PDE4B: variants seen among roughly 807,000 people sequenced by gnomAD.
PDE4B encodes the protein 3',5'-cyclic-AMP phosphodiesterase 4B.
A neutral mutation model predicts 82.2 loss-of-function variants in PDE4B; 20 were observed. The observed-to-expected ratio is 0.24, with a 90% confidence interval of 0.17 to 0.35. The LOEUF (loss-of-function observed/expected upper bound fraction) is 0.35. Ranked by LOEUF, PDE4B falls within the 10% of genes least tolerant of loss-of-function variation. The pLI, the probability that PDE4B is intolerant of heterozygous loss-of-function variation, is 1.00. For synonymous variants in PDE4B, 320 were observed against 318.9 expected, an observed-to-expected ratio of 1.00 and a Z score of -0.04; for missense variants, 655 against 907.2, an observed-to-expected ratio of 0.72 and a Z score of 3.57.
chr1:66,363,227 C>T lies in PDE4B; in HGVS notation c.1080C>T (p.His360=). ...TCTTTAATGTGGCTGGATATTCTCA[C>T]AATAGACCCCTAACATGCATCATGT... ...LNIFNVAGYS[H]NRPLTCIMYA... Residue 360 remains histidine, a synonymous_variant, in exon 11 of 17, where the codon CAC becomes CAT. Transcript: ENST00000341517. 1.2e-6 allele frequency: 2 copies of T among 1,612,778 alleles called. No individual in the cohort carries two copies. Among genetic ancestry groups the T allele is most frequent in the Non-Finnish European group, 1.7e-6 (2 of 1,178,896 alleles).
chr1:65,918,841 T>C lies in PDE4B; in HGVS notation c.281+6T>C. On this transcript the variant is annotated splice_donor_region_variant and intron_variant, in intron 3 of 16. Coordinates refer to ENST00000341517, the MANE Select transcript of PDE4B (RefSeq NM_002600.4). Reference sequence around the variant, plus strand: ...ACAACTGTAAGCCAGGAGTGGTGAGTAGCCTCAAAATCAAATGTCAATTCT... The same window carrying C: ...ACAACTGTAAGCCAGGAGTGGTGAGCAGCCTCAAAATCAAATGTCAATTCT... The C allele has an allele frequency of 6.6e-7, 1 of 1,507,996 alleles. No homozygotes were observed. The highest frequency in any genetic ancestry group is 9.2e-7 in the Non-Finnish European group (1 of 1,083,408). The allele number at this position is 1,507,996 out of a possible 1,614,324, so 93.4% of individuals were successfully genotyped here.
At position 66,192,677 on chromosome 1, in the gene PDE4B, G is replaced by A. The variant is rs573446567; in HGVS notation, c.282-54783G>A. On this transcript the variant is annotated intron_variant, in intron 3 of 16. Coordinates refer to ENST00000341517, the MANE Select transcript of PDE4B (RefSeq NM_002600.4). ...ATGGAGACATGGCTTTCATGGTTTC[G>A]GGGAAAACTTTTATTGTCCTAAAAA... Among the ~76,000 whole-genome samples, 11 of 152,156 alleles carry A rather than the reference G, an allele frequency of 7.2e-5. No homozygotes were observed. In the South Asian group the frequency reaches 1.2e-3, roughly 17 times the overall value.
At chr1:66,097,141 A>G (rs947178454) in intron 3 of PDE4B, among the ~76,000 whole-genome samples, 22 of 152,058 alleles carry the variant, frequency 1.4e-4, no homozygotes, top group African/African-American at 5.1e-4. Context: ...TGGATGGCAT[A>G]ATAAGTATAC....
chr1:66,202,207 A>G (rs1649039810), intron 3 of PDE4B, among the ~76,000 whole-genome samples: 1 of 151,974 alleles, frequency 6.6e-6, no homozygotes, highest in African/African-American at 2.4e-5. Flanking sequence ...CTGTGGTCTG[A>G]GAGACAGTTT....
intron 3 of PDE4B, among the ~76,000 whole-genome samples, chr1:66,208,729 A>G (rs890979274): frequency 6.6e-6 from 1 of 152,234 alleles, no homozygotes; most frequent in Non-Finnish European, 1.5e-5. Context: ...GAAAGGTATC[A>G]CAAATAAAAA....
chr1:66,186,315 C>A (rs1204590925), intron 3 of PDE4B, among the ~76,000 whole-genome samples: 2 of 152,062 alleles, frequency 1.3e-5, no homozygotes, highest in African/African-American at 2.4e-5. Flanking sequence ...CTTGGTGATG[C>A]GGGCCCTTTT....
At chr1:65,846,852 G>C (rs1201653248) in intron 1 of PDE4B, among the ~76,000 whole-genome samples, 5 of 152,164 alleles carry the variant, frequency 3.3e-5, no homozygotes, top group Non-Finnish European at 7.3e-5. Context: ...GCTTTTGGCA[G>C]ATAAACTTAA....
chr1:66,357,147 G>A (rs916709950), intron 9 of PDE4B, among the ~76,000 whole-genome samples: 3 of 152,112 alleles, frequency 2.0e-5, no homozygotes, highest in East Asian at 1.9e-4. Flanking sequence ...GTCTTCATAA[G>A]CATTGCATTT....
chr1:66,279,074 G>A (rs751005079), intron 7 of PDE4B, among the ~76,000 whole-genome samples: 1 of 151,992 alleles, frequency 6.6e-6, no homozygotes, highest in African/African-American at 2.4e-5. Flanking sequence ...ACCCCTCTCT[G>A]CATGCTCTTC....
chr1:66,339,465 C>T (rs1480608552), intron 8 of PDE4B, among the ~76,000 whole-genome samples: 1 of 152,070 alleles, frequency 6.6e-6, no homozygotes, highest in Non-Finnish European at 1.5e-5. Context: ...TTAACAGAAC[C>T]ATTTCTTTAC....
At chr1:66,356,804 T>C (rs781315350) in intron 9 of PDE4B, among the ~76,000 whole-genome samples, 34 of 152,226 alleles carry the variant, frequency 2.2e-4, no homozygotes, top group Non-Finnish European at 8.8e-5. Context: ...AGTGCCTTTC[T>C]AACAGTTTCT....
intron 7 of PDE4B, among the ~76,000 whole-genome samples, chr1:66,297,594 C>T (rs1657601150): frequency 6.6e-6 from 1 of 152,094 alleles, no homozygotes; most frequent in South Asian, 2.1e-4. Context: ...ATGCATTTAT[C>T]CAAAAAGTCC....
intron 3 of PDE4B, among the ~76,000 whole-genome samples, chr1:66,148,126 C>T (rs541512516): frequency 6.6e-5 from 10 of 152,096 alleles, no homozygotes; most frequent in African/African-American, 2.2e-4. Flanking sequence ...AAAACTTAGC[C>T]GAGCTTGGTG....
At chr1:65,987,026 G>C (rs548133133) in intron 3 of PDE4B, among the ~76,000 whole-genome samples, 1 of 152,290 alleles carries the variant, frequency 6.6e-6, no homozygotes, top group South Asian at 2.1e-4. Flanking sequence ...AAGAACTAGG[G>C]GGAGAGTTGA....
intron 1 of PDE4B, among the ~76,000 whole-genome samples, chr1:65,879,212 C>G (rs530261680): frequency 6.6e-6 from 1 of 152,196 alleles, no homozygotes; most frequent in African/African-American, 2.4e-5. Flanking sequence ...CCATAAAATA[C>G]AAACCCAAAG....
At chr1:66,150,791 CAT>C (rs1174397492) in intron 3 of PDE4B, among the ~76,000 whole-genome samples, 1 of 152,136 alleles carries the variant, frequency 6.6e-6, no homozygotes, top group Non-Finnish European at 1.5e-5. Flanking sequence ...TTGAAATAAT[CAT>C]GTGGCTTTTA....
intron 3 of PDE4B, among the ~76,000 whole-genome samples, chr1:66,198,871 T>C (rs560271429): frequency 6.6e-6 from 1 of 152,102 alleles, no homozygotes; most frequent in African/African-American, 2.4e-5. Context: ...TTTGGTTTTT[T>C]GTCCTTGTGA....
At chr1:66,347,126 A>G (rs558541360) in intron 8 of PDE4B, among the ~76,000 whole-genome samples, 60 of 152,300 alleles carry the variant, frequency 3.9e-4, no homozygotes, top group Middle Eastern at 3.4e-3. Context: ...ACCTGCAACC[A>G]GCACTCCCTC....
At chr1:66,320,744 C>A (rs542597746) in intron 7 of PDE4B, among the ~76,000 whole-genome samples, 4 of 152,208 alleles carry the variant, frequency 2.6e-5, no homozygotes, top group East Asian at 3.9e-4. Flanking sequence ...ATGAGAAAAA[C>A]CAAGAGAAAT....
Sources: gnomAD v4.1 joint callset for allele counts (sites outside exome capture counted in the v4.1 genomes callset) on GRCh38, gnomAD v4.1.1 for gene constraint, MANE v1.5 for transcripts, NCBI Gene and HGNC (gene_info 2026-07-23, HGNC 2026-07-21) for gene names.